The following ST8SIA1 variants were observed in gnomAD, a reference collection of about 807,000 sequenced individuals.
ST8SIA1 encodes the protein ST8 alpha-N-acetyl-neuraminide alpha-2,8-sialyltransferase 1, also known as alpha-N-acetylneuraminide alpha-2,8-sialyltransferase.
Under a neutral mutation model 35.9 loss-of-function variants are expected in ST8SIA1, and 16 were observed. The ratio of observed to expected loss-of-function variants is 0.45; its 90% CI spans 0.30 to 0.68. The LOEUF (loss-of-function observed/expected upper bound fraction) is 0.68. Ranked by LOEUF, ST8SIA1 falls within the 30% of genes least tolerant of loss-of-function variation. The pLI, the probability that ST8SIA1 is intolerant of heterozygous loss-of-function variation, is 0.09. For missense variants in ST8SIA1, 383 were observed against 453.6 expected (o/e 0.84, Z 1.41); for synonymous variants, 170 against 169.6 (o/e 1.00, Z -0.02).
chr12:22,242,279 T>C (rs1187655349), intron 4 of ST8SIA1, among the ~76,000 whole-genome samples: 1 of 152,190 alleles, frequency 6.6e-6, no homozygotes, highest in Non-Finnish European at 1.5e-5. Context: ...AAATCCAATA[T>C]AATTAAACCC....
chr12:22,231,636 C>T (rs905637946), intron 4 of ST8SIA1, among the ~76,000 whole-genome samples: 4 of 151,662 alleles, frequency 2.6e-5, no homozygotes, highest in African/African-American at 7.3e-5. Flanking sequence ...TGCAGTGGTG[C>T]GATCTTGGCT....
At chr12:22,259,071 C>T (rs377143128) in intron 2 of ST8SIA1, among the ~76,000 whole-genome samples, 40 of 152,262 alleles carry the variant, frequency 2.6e-4, no homozygotes, top group African/African-American at 8.2e-4. Flanking sequence ...ACTCATCTTC[C>T]TTCCCTTTTT....
Position 22,200,799 on chromosome 12 carries a change from T to C in ST8SIA1, c.*753A>G, listed in dbSNP as rs1156746010. ...CAAACAGGCTTACATAATGCAGACC[T>C]AAAATTGGGTTTATGTCCTAAATTC... On this transcript the variant is annotated 3_prime_UTR_variant, in exon 5 of 5. Transcript: ENST00000396037. 1 of 152,194 alleles carries C rather than the reference T, an allele frequency of 6.6e-6. No individual in the cohort carries two copies. The highest frequency in any genetic ancestry group is 2.4e-5 in the African/African-American group (1 of 41,470). 9.4% of individuals were successfully genotyped at this position (152,194 alleles called of 1,614,324 possible).
At chr12:22,264,819 T>C (rs989113163) in intron 2 of ST8SIA1, among the ~76,000 whole-genome samples, 1 of 152,254 alleles carries the variant, frequency 6.6e-6, no homozygotes, top group Non-Finnish European at 1.5e-5. Flanking sequence ...CTAAGATTTG[T>C]ATTCCCCATT....
At chr12:22,255,450 AT>A in intron 2 of ST8SIA1, 61 bp from the exon 3 acceptor site, 1 of 1,382,530 alleles carries the variant, frequency 7.2e-7, no homozygotes, top group South Asian at 1.2e-5. Context: ...TCACAAAATC[AT>A]TGTTTACAGC....
intron 1 of ST8SIA1, among the ~76,000 whole-genome samples, chr12:22,304,432 C>T (rs1866359247): frequency 1.3e-5 from 2 of 149,544 alleles, no homozygotes; most frequent in South Asian, 4.2e-4. Flanking sequence ...CTTTCTCTTG[C>T]ACCCTCTGCT....
chr12:22,269,976 CG>C (rs1474450859), intron 2 of ST8SIA1, among the ~76,000 whole-genome samples: 1 of 152,170 alleles, frequency 6.6e-6, no homozygotes, highest in Non-Finnish European at 1.5e-5. Context: ...AGTCTCCATC[CG>C]TTTCCAAGGA....
At chr12:22,209,048 A>C (rs1405684796) in intron 4 of ST8SIA1, among the ~76,000 whole-genome samples, 1 of 152,192 alleles carries the variant, frequency 6.6e-6, no homozygotes, top group Non-Finnish European at 1.5e-5. Context: ...TAGGACACAA[A>C]AGACAATGTA....
Position 22,201,893 on chromosome 12 carries a change from C to A in ST8SIA1, c.730G>T (p.Ala244Ser). The A allele has an allele frequency of 1.2e-6, 2 of 1,614,132 alleles. No homozygotes were observed. Among genetic ancestry groups the A allele is most frequent in the Non-Finnish European group, 1.7e-6 (2 of 1,179,982 alleles). The change falls in exon 5 of 5, where the codon GCC becomes TCC. Residue 244 changes from alanine to serine, a missense_variant. Coordinates refer to ENST00000396037, the MANE Select transcript of ST8SIA1 (RefSeq NM_003034.4). ...TTGGCAAACAGCACTGTTTGATTGG[C>A]ACCAACATCTGACAGTGTATAATAA... ...RVYYTLSDVG[A>S]NQTVLFANPN...
rs138235237 is a variant in ST8SIA1, at chr12:22,195,732, A to T, written c.*5820T>A. The T allele has an allele frequency of 3.8e-4, 58 of 152,270 alleles. No homozygotes were observed. In the East Asian group the frequency reaches 0.011, roughly 29 times the overall value. The allele number at this position is 152,270 out of a possible 1,614,324, so 9.4% of individuals were successfully genotyped here. On this transcript the variant is annotated 3_prime_UTR_variant, in exon 5 of 5. Transcript: ENST00000396037. ...TGAACTCTCTTCTGAGATCACTCCC[A>T]ATCATCTTTTCAAATTAAAACCAAG...
chr12:22,330,202 C>T (rs1866743372), intron 1 of ST8SIA1, among the ~76,000 whole-genome samples: 1 of 152,212 alleles, frequency 6.6e-6, no homozygotes, highest in African/African-American at 2.4e-5. Context: ...ACACCACCTC[C>T]TCTCTGAAAC....
At chr12:22,239,953 C>G (rs1226380622) in intron 4 of ST8SIA1, among the ~76,000 whole-genome samples, 1 of 151,820 alleles carries the variant, frequency 6.6e-6, no homozygotes, top group Non-Finnish European at 1.5e-5. Context: ...GGTTTTTGTT[C>G]CCTCATTTTC....
At chr12:22,294,397 C>A (rs1565589144) in intron 1 of ST8SIA1, among the ~76,000 whole-genome samples, 1 of 152,160 alleles carries the variant, frequency 6.6e-6, no homozygotes. Context: ...GATTTGTATT[C>A]ATCTTATTTT....
chr12:22,253,949 T>C (rs1418158659), intron 3 of ST8SIA1, among the ~76,000 whole-genome samples: 1 of 152,184 alleles, frequency 6.6e-6, no homozygotes, highest in Admixed American at 6.5e-5. Flanking sequence ...CTCTTCCCTC[T>C]CCCACTTAGC....
chr12:22,235,960 G>A (rs1009380890), intron 4 of ST8SIA1, among the ~76,000 whole-genome samples: 1 of 151,836 alleles, frequency 6.6e-6, no homozygotes, highest in African/African-American at 2.4e-5. Context: ...TGACAAAAAT[G>A]CATGGCTACA....
intron 4 of ST8SIA1, among the ~76,000 whole-genome samples, chr12:22,225,013 G>A (rs979055186): frequency 6.6e-6 from 1 of 152,154 alleles, no homozygotes; most frequent in African/African-American, 2.4e-5. Context: ...GCTGTGTGAG[G>A]ACAGAGGCAG....
At chr12:22,257,415 G>A (rs1023539036) in intron 2 of ST8SIA1, among the ~76,000 whole-genome samples, 13 of 143,634 alleles carry the variant, frequency 9.1e-5, no homozygotes, top group Non-Finnish European at 4.5e-5. Context: ...GTAGAGATAG[G>A]GTTTCACCAT....
intron 3 of ST8SIA1, among the ~76,000 whole-genome samples, chr12:22,249,570 C>A (rs1056417109): frequency 1.3e-5 from 2 of 152,082 alleles, no homozygotes; most frequent in Non-Finnish European, 2.9e-5. Flanking sequence ...TACCACCTCT[C>A]CCTTTTAATA....
intron 4 of ST8SIA1, among the ~76,000 whole-genome samples, chr12:22,229,164 C>A (rs887778617): frequency 2.0e-5 from 3 of 151,512 alleles, no homozygotes; most frequent in Non-Finnish European, 4.4e-5. Flanking sequence ...GAAGGAAGAT[C>A]TTAGGACACT....
Sources: allele counts gnomAD v4.1 joint callset (sites outside exome capture counted in the v4.1 genomes callset), GRCh38; gene constraint gnomAD v4.1.1; transcripts MANE v1.5; gene names NCBI Gene and HGNC (gene_info 2026-07-23, HGNC 2026-07-21).